Variants in LARP1 observed in about 807,000 individuals in gnomAD.
The protein encoded by LARP1 is la-related protein 1.
Under a neutral mutation model 122.7 loss-of-function variants are expected in LARP1, and 36 were observed. The observed-to-expected ratio is 0.29, with a 90% CI of 0.22 to 0.39. LARP1 has a LOEUF of 0.39. Ranked by LOEUF, LARP1 falls within the 10% of genes least tolerant of loss-of-function variation. The probability of loss-of-function intolerance (pLI) is 1.00; values close to 1 mark genes in which losing one functional copy is unlikely to be tolerated. For missense variants in LARP1, 1,040 were observed against 1,403.6 expected (o/e 0.74, Z 4.14); for synonymous variants, 539 against 528.7 (o/e 1.02, Z -0.27).
In LARP1 at chr5:154,755,401, C is replaced by T. The variant is rs1370909135; in HGVS notation, c.-357C>T. 6.6e-6 allele frequency among the ~76,000 whole-genome samples: 1 copy of T among 151,180 alleles called. No individual in the cohort carries two copies. Among genetic ancestry groups the T allele is most frequent in the Non-Finnish European group, 1.5e-5 (1 of 67,598 alleles). ...CGTCCATATTGCTGCAGCCCCCGAG[C>T]CGGGAAGCCCGGGCCGCCCCGGGGG... On this transcript the variant is annotated 5_prime_UTR_variant, in exon 1 of 19. Coordinates refer to ENST00000518297, the MANE Select transcript of LARP1 (RefSeq NM_033551.3).
rs1287999148 is a variant in LARP1 at position 154,756,155 on chromosome 5, C to T, written c.398C>T (p.Pro133Leu). The change falls in exon 1 of 19, where the codon CCG becomes CTG. Residue 133 changes from proline (P) to leucine (L), a missense_variant. Physicochemically the swap from Pro to Leu is moderately conservative, Grantham distance 98. This residue lies in a region of LARP1 where 257 missense variants were observed against 273.3 expected (regional missense o/e 0.94). Transcript: ENST00000518297. ...KVNPWTKNAL[P>L]PVLTTVNGQS... ...AACCCGTGGACTAAGAACGCATTGCCGCCGGTCCTGACCACCGTGAACGGA... is the reference window on the plus strand; with the variant it reads ...AACCCGTGGACTAAGAACGCATTGCTGCCGGTCCTGACCACCGTGAACGGA... 11 of 1,316,296 alleles carry T rather than the reference C, an allele frequency of 8.4e-6. No homozygotes were observed. The highest frequency in any genetic ancestry group is 6.6e-5 in the East Asian group (1 of 15,208). The allele number at this position is 1,316,296 out of a possible 1,614,324, so 81.5% of individuals were successfully genotyped here. A position where few individuals can be genotyped will look rare whatever the true frequency, so the allele number is the denominator to read the frequency against.
At position 154,811,691 on chromosome 5, in the gene LARP1, C is replaced by T. The variant is rs939911048; in HGVS notation, c.3081+51C>T. The T allele has an allele frequency of 1.9e-6, 3 of 1,608,018 alleles. No individual in the cohort carries two copies. In the Admixed American group the frequency reaches 5.0e-5, roughly 27 times the overall value. The stretch of plus-strand genomic sequence containing the variant: ...TGCTTGTCCTGGAAAGAAAACTGGA[C>T]CAGGAATCAGGATACTTGGATTCTG... On this transcript the variant is annotated intron_variant, in intron 18 of 18. Transcript: ENST00000518297.
At chr5:154,787,887 T>C (rs1448236693) in intron 1 of LARP1, among the ~76,000 whole-genome samples, 3 of 152,202 alleles carry the variant, frequency 2.0e-5, no homozygotes, top group Non-Finnish European at 4.4e-5. Context: ...GGCACTTTGA[T>C]TGGAGACTGA....
intron 1 of LARP1, among the ~76,000 whole-genome samples, chr5:154,689,618 T>TA (rs61699481): frequency 0.042 from 5,551 of 131,814 alleles, 161 homozygotes; most frequent in African/African-American, 0.072. Flanking sequence ...TGACTCCGTT[T>TA]AAAAAAAAAA....
chr5:154,762,008 G>A (rs1236266983), intron 1 of LARP1, among the ~76,000 whole-genome samples: 1 of 152,140 alleles, frequency 6.6e-6, no homozygotes, highest in Admixed American at 6.6e-5. Context: ...TTGGAAGGCC[G>A]AGGCGGGCGG....
At chr5:154,764,884 A>G (rs1462699512) in intron 1 of LARP1, among the ~76,000 whole-genome samples, 3 of 150,638 alleles carry the variant, frequency 2.0e-5, no homozygotes, top group African/African-American at 4.9e-5. Flanking sequence ...CAGCCTGGGC[A>G]ACAGAGCAAG....
chr5:154,765,043 A>G lies in LARP1; in HGVS notation c.436+8850A>G, dbSNP rs186779796. Among the ~76,000 whole-genome samples the G allele has an allele frequency of 2.6e-5, 4 of 152,208 alleles. 1 individual carries two copies. The highest frequency in any genetic ancestry group is 2.0e-4 in the Admixed American group (3 of 15,294). Reference sequence around the variant, plus strand: ...GCAGCAGCCTCTTAACTGGTCTCCTATCACTCCTACTTAAAGCCCTCTGGT... The same window carrying G: ...GCAGCAGCCTCTTAACTGGTCTCCTGTCACTCCTACTTAAAGCCCTCTGGT... On this transcript the variant is annotated intron_variant, in intron 1 of 18. Transcript: ENST00000518297.
At chr5:154,763,563 G>A (rs1754655500) in intron 1 of LARP1, among the ~76,000 whole-genome samples, 1 of 151,718 alleles carries the variant, frequency 6.6e-6, no homozygotes, top group African/African-American at 2.4e-5. Context: ...AGGATCATGT[G>A]AGCCCAGGAG....
At chr5:154,715,691 T>C (rs148944621) in intron 1 of LARP1, among the ~76,000 whole-genome samples, 70 of 152,194 alleles carry the variant, frequency 4.6e-4, no homozygotes, top group African/African-American at 1.7e-3. Context: ...GTGCCTTGGG[T>C]ATCTGAGTTA....
At chr5:154,771,854 A>G (rs1278690604) in intron 1 of LARP1, among the ~76,000 whole-genome samples, 1 of 152,128 alleles carries the variant, frequency 6.6e-6, no homozygotes, top group African/African-American at 2.4e-5. Flanking sequence ...GTCAGTAGGA[A>G]AGGTTGGGGG....
At position 154,804,297 on chromosome 5, in the gene LARP1, G is replaced by A. The variant is rs1758577349; in HGVS notation, c.2536G>A (p.Ala846Thr). Residue 846 changes from alanine (A) to threonine (T), a missense_variant, in exon 14 of 19, where the codon GCT (alanine) becomes ACT (threonine). Ala to Thr is a moderately conservative substitution (Grantham distance 58). Coordinates refer to ENST00000518297, the MANE Select transcript of LARP1 (RefSeq NM_033551.3). Reference protein sequence around the residue: ...MDSREHRPRTASISSSPSEGT... With the variant: ...MDSREHRPRTTSISSSPSEGT... ...TTCCCGTGAGCACAGGCCCCGTACT[G>A]CTTCCATCAGGTACCTGGGGCAGTG... 1.4e-5 allele frequency: 22 copies of A among 1,613,372 alleles called. No individual in the cohort carries two copies. Among genetic ancestry groups the A allele is most frequent in the Non-Finnish European group, 1.6e-5 (19 of 1,179,338 alleles).
upstream of LARP1, among the ~76,000 whole-genome samples, chr5:154,753,108 G>A (rs1753590815): frequency 6.6e-6 from 1 of 152,080 alleles, no homozygotes; most frequent in Non-Finnish European, 1.5e-5. Flanking sequence ...TAGCATGAAC[G>A]AGTTTCTTGT....
At chr5:154,710,742 CAAAAAAAA>C (rs35253134), upstream of LARP1, among the ~76,000 whole-genome samples, 1 of 92,438 alleles carries the variant, frequency 1.1e-5, no homozygotes, top group Non-Finnish European at 2.1e-5. Flanking sequence ...GACTCCATCT[CAAAAAAAA>C]AAAAAAAAAA....
At chr5:154,712,722 G>C (rs934448770), upstream of LARP1, among the ~76,000 whole-genome samples, 3 of 152,124 alleles carry the variant, frequency 2.0e-5, no homozygotes, top group African/African-American at 7.2e-5. Flanking sequence ...TAGCCTAGCT[G>C]TGCTCCCCGC....
intron 1 of LARP1, among the ~76,000 whole-genome samples, chr5:154,692,988 A>ATTTTTTTTTT (rs113484244): frequency 7.0e-6 from 1 of 141,974 alleles, no homozygotes; most frequent in Non-Finnish European, 1.5e-5. Context: ...TTAATTTTTA[A>ATTTTTTTTTT]TTATTTTTTT....
At chr5:154,692,173 A>G (rs568930320) in intron 1 of LARP1, among the ~76,000 whole-genome samples, 55 of 152,318 alleles carry the variant, frequency 3.6e-4, no homozygotes, top group African/African-American at 1.3e-3. Flanking sequence ...ACGGTGGAGA[A>G]GGCCTATCTC....
At chr5:154,747,258 A>G (rs1301947358) in intron 1 of LARP1, among the ~76,000 whole-genome samples, 3 of 150,644 alleles carry the variant, frequency 2.0e-5, no homozygotes, top group Admixed American at 6.6e-5. Context: ...GTGAGTTGAC[A>G]TGGTGCCATT....
chr5:154,736,184 C>G (rs1263189511), intron 1 of LARP1, among the ~76,000 whole-genome samples: 1 of 151,664 alleles, frequency 6.6e-6, no homozygotes, highest in Non-Finnish European at 1.5e-5. Context: ...GTAACCTCTA[C>G]CTCCCAGTTC....
intron 16 of LARP1, among the ~76,000 whole-genome samples, chr5:154,809,092 G>A (rs999254465): frequency 6.6e-6 from 1 of 151,890 alleles, no homozygotes; most frequent in Non-Finnish European, 1.5e-5. Context: ...GTCTTATATG[G>A]ATGTACCATG....
Sources: gnomAD v4.1 joint callset for allele counts (sites outside exome capture counted in the v4.1 genomes callset) on GRCh38, gnomAD v4.1.1 for gene constraint, gnomAD v4.1.1 regional missense constraint, MANE v1.5 for transcripts, NCBI Gene and HGNC (gene_info 2026-07-23, HGNC 2026-07-21) for gene names.